GCH1: variants seen among roughly 807,000 people sequenced by gnomAD.
GCH1 encodes the protein GTP cyclohydrolase 1, also known as GTP cyclohydrolase I.
In GCH1, 5 loss-of-function variants were observed where a neutral mutation model predicts 25.9. That is an observed-to-expected ratio of 0.19 (90% CI 0.10 to 0.41). The LOEUF (loss-of-function observed/expected upper bound fraction) is 0.41. Among genes scored for constraint, GCH1 ranks in the 10% least tolerant of loss-of-function variants. The pLI is 1.00. For synonymous variants in GCH1, 159 were observed against 129.6 expected (o/e 1.23, Z -1.54); for missense variants, 261 against 336.5 (o/e 0.78, Z 1.75).
chr14:54,879,051 C>T (rs562821078), intron 1 of GCH1, among the ~76,000 whole-genome samples: 3 of 152,248 alleles, frequency 2.0e-5, no homozygotes, highest in South Asian at 2.1e-4. Context: ...TGAGCCACCA[C>T]GCTGGACCAA....
rs144676716 is a variant in GCH1, at chr14:54,842,960, G to GAT, written c.*1056_*1057insAT. On this transcript the variant is annotated 3_prime_UTR_variant, in exon 6 of 6. Coordinates refer to ENST00000491895, the MANE Select transcript of GCH1 (RefSeq NM_000161.3). ...TTTTCACAGATCGTTGGTACGATACGCTTTGGTTAAAACGTTGGACACAGC... is the reference window on the plus strand; with the variant it reads ...TTTTCACAGATCGTTGGTACGATACGATCTTTGGTTAAAACGTTGGACACAGC... 0.013 allele frequency: 9,307 copies of GAT among 723,872 alleles called. 647 individuals are homozygous for GAT. The African/African-American group carries it at 0.14, about 11-fold the overall frequency. The allele number at this position is 723,872 out of a possible 1,614,324, so 44.8% of individuals were successfully genotyped here.
chr14:54,885,566 G>C, intron 1 of GCH1: 2 of 390,624 alleles, frequency 5.1e-6, no homozygotes, highest in South Asian at 4.6e-5. Context: ...GGTGAGGGAT[G>C]AATCCCTGAT....
chr14:54,860,301 A>G (rs1328837465), intron 2 of GCH1, among the ~76,000 whole-genome samples: 1 of 152,202 alleles, frequency 6.6e-6, no homozygotes, highest in African/African-American at 2.4e-5. Context: ...TGGAGGAGAA[A>G]CATTCTCAAG....
chr14:54,884,437 T>A (rs1053998305), intron 1 of GCH1, among the ~76,000 whole-genome samples: 1 of 152,166 alleles, frequency 6.6e-6, no homozygotes, highest in African/African-American at 2.4e-5. Flanking sequence ...AATTCCCTTC[T>A]CTTTTAGAGC....
chr14:54,897,595 CT>C (rs139321266), intron 1 of GCH1, among the ~76,000 whole-genome samples: 9 of 148,264 alleles, frequency 6.1e-5, no homozygotes, highest in South Asian at 2.1e-4. Flanking sequence ...GGCTACTCCA[CT>C]TTTTTTTTTA....
chr14:54,878,099 G>A, intron 1 of GCH1: 2 of 154,884 alleles, frequency 1.3e-5, no homozygotes. Context: ...TGTTTCTGCT[G>A]TGGAGAAAGT....
chr14:54,842,772 T>G lies in GCH1; in HGVS notation c.*1245A>C. ...GTGGAGGAGTTGCGGTTTTGTTTGTTTTAATTTGGCCCACGCTGCCCCAAT... is the reference window on the plus strand; with the variant it reads ...GTGGAGGAGTTGCGGTTTTGTTTGTGTTAATTTGGCCCACGCTGCCCCAAT... On this transcript the variant is annotated 3_prime_UTR_variant, in exon 6 of 6. Transcript: ENST00000491895. 7.8e-6 allele frequency: 3 copies of G among 385,052 alleles called. No individual in the cohort carries two copies. Among genetic ancestry groups the G allele is most frequent in the Non-Finnish European group, 1.4e-5 (3 of 217,554 alleles). The allele number at this position is 385,052 out of a possible 1,614,324, so 23.9% of individuals were successfully genotyped here.
chr14:54,877,583 T>C (rs1338200193), intron 1 of GCH1, among the ~76,000 whole-genome samples: 1 of 151,988 alleles, frequency 6.6e-6, no homozygotes, highest in Non-Finnish European at 1.5e-5. Context: ...AACCTCCACC[T>C]CCTAGGCTCA....
At chr14:54,856,266 G>A (rs932413786) in intron 3 of GCH1, among the ~76,000 whole-genome samples, 3 of 152,300 alleles carry the variant, frequency 2.0e-5, no homozygotes, top group African/African-American at 7.2e-5. Flanking sequence ...TGAACTTGGA[G>A]CTACAGCAGG....
intron 1 of GCH1, among the ~76,000 whole-genome samples, chr14:54,889,283 T>C (rs1291058550): frequency 1.3e-5 from 2 of 152,172 alleles, no homozygotes; most frequent in African/African-American, 2.4e-5. Context: ...TCTCATCTGA[T>C]CTCCAGGCAC....
chr14:54,865,750 A>C (rs1347477253), intron 1 of GCH1, among the ~76,000 whole-genome samples: 1 of 152,206 alleles, frequency 6.6e-6, no homozygotes, highest in East Asian at 1.9e-4. Context: ...TATTTCTGGC[A>C]GTAGAAATGG....
At chr14:54,873,324 C>T (rs893115048) in intron 1 of GCH1, among the ~76,000 whole-genome samples, 1 of 152,204 alleles carries the variant, frequency 6.6e-6, no homozygotes, top group Non-Finnish European at 1.5e-5. Context: ...ATACCAGACT[C>T]TCTGGGACAC....
At position 54,884,792 on chromosome 14, in the gene GCH1, AC is replaced by A. The variant is rs1356146446; in HGVS notation, c.343+17528del. The A allele has an allele frequency of 4.2e-4, 64 of 151,750 alleles. 2 individuals carry two copies. The highest frequency in any genetic ancestry group is 1.1e-3 in the African/African-American group (45 of 40,642). The allele number at this position is 151,750 out of a possible 1,614,324, so 9.4% of individuals were successfully genotyped here. ...TCTCAAAACAACAACAACAACAACA[AC>A]AACAACAAAAAAAAAGATTACACAG... On this transcript the variant is annotated intron_variant, in intron 1 of 5. Coordinates refer to ENST00000491895, the MANE Select transcript of GCH1 (RefSeq NM_000161.3).
intron 1 of GCH1, chr14:54,884,840 T>TCCCTG (rs1359646164): frequency 6.6e-6 from 1 of 152,396 alleles, no homozygotes; most frequent in East Asian, 1.9e-4. Flanking sequence ...GAGCCTCCTC[T>TCCCTG]CCCTGCCTTG....
intron 1 of GCH1, among the ~76,000 whole-genome samples, chr14:54,888,346 G>C (rs1049123108): frequency 3.9e-5 from 6 of 152,242 alleles, no homozygotes; most frequent in African/African-American, 1.4e-4. Context: ...CCCATGCTCA[G>C]AGACCTCGGC....
At chr14:54,845,251 G>T (rs193173177) in intron 5 of GCH1, among the ~76,000 whole-genome samples, 35 of 151,902 alleles carry the variant, frequency 2.3e-4, no homozygotes, top group African/African-American at 7.5e-4. Flanking sequence ...AGGCCGTGAC[G>T]GGTGGATCAT....
intron 1 of GCH1, among the ~76,000 whole-genome samples, chr14:54,896,875 C>T (rs892394469): frequency 1.4e-5 from 2 of 145,606 alleles, no homozygotes; most frequent in South Asian, 2.2e-4. Context: ...GCCCAGATCG[C>T]GCCACTGCAC....
intron 1 of GCH1, among the ~76,000 whole-genome samples, chr14:54,896,466 T>C (rs898780533): frequency 4.3e-5 from 6 of 140,754 alleles, no homozygotes; most frequent in East Asian, 2.0e-4. Flanking sequence ...TCTTTAATTA[T>C]ATATCTCTTT....
chr14:54,882,609 C>T (rs2040287084), intron 1 of GCH1, among the ~76,000 whole-genome samples: 2 of 151,806 alleles, frequency 1.3e-5, no homozygotes, highest in Admixed American at 1.3e-4. Flanking sequence ...GCTGTTAAAC[C>T]GAAAATGGAA....
Sources: gnomAD v4.1 joint callset for allele counts (sites outside exome capture counted in the v4.1 genomes callset) on GRCh38, gnomAD v4.1.1 for gene constraint, MANE v1.5 for transcripts, NCBI Gene and HGNC (gene_info 2026-07-23, HGNC 2026-07-21) for gene names.